Variants in THSD4 observed in about 807,000 individuals in gnomAD.
THSD4 encodes thrombospondin type-1 domain-containing protein 4.
A neutral mutation model predicts 119.0 loss-of-function variants in THSD4; 69 were observed. The observed-to-expected ratio is 0.58, with a 90% CI of 0.48 to 0.71. THSD4 has a LOEUF of 0.71. Among genes scored for constraint, THSD4 ranks in the 30% least tolerant of loss-of-function variants. The pLI is 0.00. For synonymous variants in THSD4, 524 were observed against 540.4 expected (o/e 0.97, Z 0.42); for missense variants, 1,393 against 1,391.1 (o/e 1.00, Z -0.02).
chr15:71,540,102 A>C (rs1368934296), intron 7 of THSD4, among the ~76,000 whole-genome samples: 2 of 150,122 alleles, frequency 1.3e-5, no homozygotes, highest in Non-Finnish European at 3.0e-5. Context: ...TCTCTTCTTA[A>C]CTATTATTAC....
At chr15:71,611,860 C>T (rs2050235830) in intron 7 of THSD4, among the ~76,000 whole-genome samples, 1 of 127,788 alleles carries the variant, frequency 7.8e-6, no homozygotes, top group Admixed American at 8.6e-5. Context: ...GCCTGGATCC[C>T]TGGGGTTGCT....
chr15:71,752,716 T>A (rs1214914762), intron 14 of THSD4, among the ~76,000 whole-genome samples: 5 of 152,294 alleles, frequency 3.3e-5, no homozygotes, highest in South Asian at 2.1e-4. Flanking sequence ...GCTGCAGTAA[T>A]ATATTTGAAG....
At chr15:71,635,941 C>T (rs1021982383) in intron 7 of THSD4, among the ~76,000 whole-genome samples, 1 of 152,166 alleles carries the variant, frequency 6.6e-6, no homozygotes, top group Admixed American at 6.5e-5. Context: ...GGTCACCCAG[C>T]TGGTAGATGG....
rs771776748 is a variant in THSD4, at chr15:71,737,993, C to T, written c.1892C>T (p.Thr631Met). ...WKQLGTTECS[T>M]TCGKGSQYPI... is the part of the protein sequence containing the mutation. ...CAGCTTGGGACAACAGAATGTTCCA[C>T]GACCTGTGGGAAAGGTGAGCCTGTG... is the stretch of plus-strand genomic sequence containing the variant. The change falls in exon 11 of 18, where the codon ACG becomes ATG. Residue 631 changes from threonine (T) to methionine (M), a missense_variant. Physicochemically the swap from Thr to Met is moderately conservative, Grantham distance 81. Coordinates refer to ENST00000261862, the MANE Select transcript of THSD4 (RefSeq NM_024817.3). 3.7e-6 allele frequency: 6 copies of T among 1,613,392 alleles called. No homozygotes were observed. Among genetic ancestry groups the T allele is most frequent in the Admixed American group, 1.7e-5 (1 of 59,954 alleles).
At chr15:71,657,282 C>T (rs905317363) in intron 7 of THSD4, among the ~76,000 whole-genome samples, 19 of 152,142 alleles carry the variant, frequency 1.2e-4, no homozygotes, top group Non-Finnish European at 2.8e-4. Context: ...TGCATCTTTA[C>T]GTGTTTCGAT....
intron 6 of THSD4, among the ~76,000 whole-genome samples, chr15:71,269,167 T>A (rs926991854): frequency 1.1e-4 from 16 of 152,136 alleles, no homozygotes; most frequent in Non-Finnish European, 7.4e-5. Flanking sequence ...TTCAGGCCAA[T>A]AACCCTGATG....
At position 71,340,017 on chromosome 15, in the gene THSD4, G is replaced by A. The variant is rs545896722; in HGVS notation, c.1016-71670G>A. Among the ~76,000 whole-genome samples the A allele has an allele frequency of 2.0e-5, 3 of 152,226 alleles. No individual in the cohort carries two copies. In the South Asian group the frequency reaches 6.2e-4, roughly 32 times the overall value. On this transcript the variant is annotated intron_variant, in intron 6 of 17. Coordinates refer to ENST00000261862, the MANE Select transcript of THSD4 (RefSeq NM_024817.3). The stretch of plus-strand genomic sequence containing the variant: ...TGACCTCAGGTGATCCGCCCACCTT[G>A]CCCTCCCAAAGAGTTGGGAGTACAG...
intron 7 of THSD4, among the ~76,000 whole-genome samples, chr15:71,424,491 C>T (rs1211515079): frequency 6.6e-6 from 1 of 152,136 alleles, no homozygotes. Context: ...GTAGAGCTCT[C>T]ATTCTGTCAT....
At chr15:71,266,225 G>T (rs546843701) in intron 6 of THSD4, among the ~76,000 whole-genome samples, 107 of 152,290 alleles carry the variant, frequency 7.0e-4, no homozygotes, top group African/African-American at 2.5e-3. Context: ...CTGGCATCTA[G>T]TGGGGGTCCC....
At chr15:71,161,941 CATAA>C (rs939881895) in intron 3 of THSD4, among the ~76,000 whole-genome samples, 5 of 151,956 alleles carry the variant, frequency 3.3e-5, no homozygotes, top group African/African-American at 1.2e-4. Flanking sequence ...ATGGGGATAG[CATAA>C]ATAGTCTTAG....
intron 2 of THSD4, 113 bp from the exon 3 acceptor site, chr15:71,154,750 T>G (rs1209644971): frequency 9.6e-7 from 1 of 1,039,142 alleles, no homozygotes; most frequent in Non-Finnish European, 1.5e-6. Flanking sequence ...TCCCAGGGCC[T>G]GGGTTGGGCT....
At chr15:71,646,991 T>C (rs753917273) in intron 7 of THSD4, among the ~76,000 whole-genome samples, 1 of 152,202 alleles carries the variant, frequency 6.6e-6, no homozygotes, top group Non-Finnish European at 1.5e-5. Flanking sequence ...GGAAGATAAA[T>C]GTCACAACCA....
chr15:71,553,481 C>A (rs116271698), intron 7 of THSD4, among the ~76,000 whole-genome samples: 1 of 152,126 alleles, frequency 6.6e-6, no homozygotes, highest in African/African-American at 2.4e-5. Context: ...TTTGTGCCAC[C>A]ACACCCAGTT....
chr15:71,266,000 C>T (rs1438756047), intron 6 of THSD4, among the ~76,000 whole-genome samples: 4 of 152,206 alleles, frequency 2.6e-5, no homozygotes, highest in Admixed American at 6.5e-5. Context: ...TGGGACAGAC[C>T]GCCTGGGGGA....
chr15:71,104,785 G>A (rs2040267475), intron 1 of THSD4, among the ~76,000 whole-genome samples: 1 of 152,184 alleles, frequency 6.6e-6, no homozygotes, highest in South Asian at 2.1e-4. Flanking sequence ...TTTGCAATTG[G>A]TTAAAGGAGT....
At chr15:71,596,558 A>G (rs74866717) in intron 7 of THSD4, among the ~76,000 whole-genome samples, 3,060 of 152,292 alleles carry the variant, frequency 0.02, 94 homozygotes, top group African/African-American at 0.069. Flanking sequence ...ATGGGGACAG[A>G]ATAAGATATT....
At chr15:71,178,068 G>GA (rs2043466189) in intron 3 of THSD4, among the ~76,000 whole-genome samples, 3 of 55,900 alleles carry the variant, frequency 5.4e-5, no homozygotes, top group Non-Finnish European at 1.1e-4. Flanking sequence ...CATTCCCTTT[G>GA]AAAACTGGCA....
intron 7 of THSD4, among the ~76,000 whole-genome samples, chr15:71,437,747 T>A (rs1020090687): frequency 6.6e-6 from 1 of 152,210 alleles, no homozygotes; most frequent in Non-Finnish European, 1.5e-5. Flanking sequence ...GAGCCAAGAA[T>A]TCATATGTAT....
chr15:71,655,699 G>A (rs542052595), intron 7 of THSD4, among the ~76,000 whole-genome samples: 1 of 152,232 alleles, frequency 6.6e-6, no homozygotes, highest in South Asian at 2.1e-4. Context: ...CAAAGATACA[G>A]CACTCGTCAG....
Sources: gnomAD v4.1 joint callset for allele counts (sites outside exome capture counted in the v4.1 genomes callset) on GRCh38, gnomAD v4.1.1 for gene constraint, MANE v1.5 for transcripts, NCBI Gene and HGNC (gene_info 2026-07-23, HGNC 2026-07-21) for gene names.